The following ADAMTSL1 variants were observed in gnomAD, a reference collection of about 807,000 sequenced individuals.
ADAMTSL1 encodes the protein ADAMTS like 1, also known as ADAMTS-like protein 1.
A neutral mutation model predicts 201.8 loss-of-function variants in ADAMTSL1; 126 were observed. The ratio of observed to expected loss-of-function variants is 0.62; its 90% confidence interval spans 0.54 to 0.72. ADAMTSL1 has a LOEUF of 0.72. Ranked by LOEUF, ADAMTSL1 falls within the 30% of genes least tolerant of loss-of-function variation. The pLI is 0.00. For synonymous variants in ADAMTSL1, 1,121 were observed against 903.4 expected (o/e 1.24, Z -4.32); for missense variants, 2,679 against 2,277.8 (o/e 1.18, Z -3.59).
intron 1 of ADAMTSL1, among the ~76,000 whole-genome samples, chr9:17,916,066 C>T (rs750279826): frequency 1.1e-4 from 16 of 152,236 alleles, no homozygotes; most frequent in Middle Eastern, 3.4e-3. Context: ...ATGACAGGTG[C>T]GTGCCACCAT....
At chr9:18,583,254 A>G (rs975965499) in intron 4 of ADAMTSL1, among the ~76,000 whole-genome samples, 7 of 152,212 alleles carry the variant, frequency 4.6e-5, no homozygotes, top group Admixed American at 2.6e-4. Context: ...GGTGCCCTGC[A>G]TCCCAGCTGC....
intron 1 of ADAMTSL1, among the ~76,000 whole-genome samples, chr9:18,113,405 G>A (rs752554165): frequency 6.6e-5 from 10 of 152,118 alleles, no homozygotes; most frequent in Non-Finnish European, 1.3e-4. Flanking sequence ...TTCCATATAT[G>A]TTCAGGAAAG....
At chr9:17,922,343 C>T (rs544445362) in intron 1 of ADAMTSL1, among the ~76,000 whole-genome samples, 3 of 152,218 alleles carry the variant, frequency 2.0e-5, no homozygotes, top group African/African-American at 7.2e-5. Context: ...GTTTCACAAA[C>T]TTCAGTGTGC....
intron 2 of ADAMTSL1, among the ~76,000 whole-genome samples, chr9:18,313,452 A>T (rs1207724619): frequency 6.6e-6 from 1 of 152,178 alleles, no homozygotes; most frequent in Non-Finnish European, 1.5e-5. Flanking sequence ...CACACATTAG[A>T]ATCATAGAGA....
intron 2 of ADAMTSL1, among the ~76,000 whole-genome samples, chr9:18,207,759 A>G (rs1456747800): frequency 6.6e-6 from 1 of 151,986 alleles, no homozygotes; most frequent in Non-Finnish European, 1.5e-5. Flanking sequence ...TGGTTTATGT[A>G]TTTGTATAAG....
intron 2 of ADAMTSL1, among the ~76,000 whole-genome samples, chr9:18,383,195 G>A (rs1441501593): frequency 6.6e-6 from 1 of 152,022 alleles, no homozygotes; most frequent in Admixed American, 6.6e-5. Context: ...TATTAAATAA[G>A]GTAACTTAAA....
Position 18,695,993 on chromosome 9 carries a change from T to G in ADAMTSL1, c.1575-10754T>G, listed in dbSNP as rs368847184. On this transcript the variant is annotated intron_variant, in intron 13 of 28. Transcript: ENST00000380548. Reference sequence around the variant, plus strand: ...GAAGGGGAAGCAGGCACATCTTACATGGCCAGAGAAGGAGGAAGAGGGCAA... The same window carrying G: ...GAAGGGGAAGCAGGCACATCTTACAGGGCCAGAGAAGGAGGAAGAGGGCAA... Among the ~76,000 whole-genome samples the G allele has an allele frequency of 2.6e-5, 4 of 152,184 alleles. No homozygotes were observed. In the East Asian group the frequency reaches 5.8e-4, roughly 22 times the overall value.
At chr9:18,603,111 G>A (rs1162916478) in intron 4 of ADAMTSL1, among the ~76,000 whole-genome samples, 2 of 152,106 alleles carry the variant, frequency 1.3e-5, no homozygotes, top group Non-Finnish European at 2.9e-5. Context: ...CTATGGCTGG[G>A]TTTGTTGTTG....
At chr9:18,401,437 C>T (rs924679992) in intron 2 of ADAMTSL1, among the ~76,000 whole-genome samples, 4 of 152,188 alleles carry the variant, frequency 2.6e-5, no homozygotes, top group African/African-American at 9.7e-5. Flanking sequence ...TCTTTTCACT[C>T]CAGTAGTGGT....
rs549712701 is a variant in ADAMTSL1, at chr9:18,398,440, G to A, written c.208-106389G>A. Among the ~76,000 whole-genome samples, 335 of 152,216 alleles carry A rather than the reference G, an allele frequency of 2.2e-3. 1 individual carries two copies. Among genetic ancestry groups the A allele is most frequent in the Middle Eastern group, 0.017 (5 of 294 alleles). ...GAGTTTTTCACTCTGGATCATTAGT[G>A]CAGTTATTAATATTAATTAAATTTG... On this transcript the variant is annotated intron_variant, in intron 2 of 29. Coordinates refer to the ADAMTSL1 transcript ENST00000680146.
intron 1 of ADAMTSL1, among the ~76,000 whole-genome samples, chr9:18,493,690 G>C (rs889071690): frequency 6.6e-6 from 1 of 152,158 alleles, no homozygotes; most frequent in Non-Finnish European, 1.5e-5. Flanking sequence ...CCATGATTCA[G>C]ATTCATTTTT....
At chr9:18,729,156 G>A (rs1818068774) in intron 15 of ADAMTSL1, among the ~76,000 whole-genome samples, 1 of 152,142 alleles carries the variant, frequency 6.6e-6, no homozygotes, top group Admixed American at 6.5e-5. Context: ...CTAGCCACCT[G>A]GCAGGAGGAG....
chr9:18,888,081 C>A, intron 24 of ADAMTSL1, 38 bp downstream of exon 24: 1 of 1,580,962 alleles, frequency 6.3e-7, no homozygotes, highest in Non-Finnish European at 8.7e-7. Flanking sequence ...TGGACTTGAA[C>A]AAGAAAGCCC....
At chr9:18,425,026 A>C (rs571615484) in intron 2 of ADAMTSL1, among the ~76,000 whole-genome samples, 2 of 152,336 alleles carry the variant, frequency 1.3e-5, no homozygotes, top group South Asian at 4.1e-4. Flanking sequence ...TATTAAAGGA[A>C]GTCGTACAAT....
chr9:18,883,122 A>T (rs954976653), intron 23 of ADAMTSL1, among the ~76,000 whole-genome samples: 1 of 152,176 alleles, frequency 6.6e-6, no homozygotes, highest in Non-Finnish European at 1.5e-5. Context: ...CTCTCCCTAA[A>T]TGTATCAGTT....
intron 21 of ADAMTSL1, among the ~76,000 whole-genome samples, chr9:18,822,583 A>C (rs1420793942): frequency 6.6e-6 from 1 of 152,130 alleles, no homozygotes; most frequent in East Asian, 1.9e-4. Context: ...AGGGTAGGGA[A>C]CTGGGGGGAA....
At chr9:18,650,676 G>C (rs1318541823) in intron 7 of ADAMTSL1, among the ~76,000 whole-genome samples, 3 of 152,152 alleles carry the variant, frequency 2.0e-5, no homozygotes. Flanking sequence ...TAATGTTTTG[G>C]AATATCCTTC....
intron 1 of ADAMTSL1, among the ~76,000 whole-genome samples, chr9:17,928,417 A>C (rs1826642183): frequency 6.6e-6 from 1 of 152,200 alleles, no homozygotes; most frequent in African/African-American, 2.4e-5. Context: ...TTCACATTGG[A>C]AATCAGCCAA....
chr9:18,249,739 A>T (rs965448853), intron 2 of ADAMTSL1, among the ~76,000 whole-genome samples: 1 of 152,218 alleles, frequency 6.6e-6, no homozygotes, highest in Non-Finnish European at 1.5e-5. Flanking sequence ...AAGGCTCCTC[A>T]TGTTACTCTC....
Sources: gnomAD v4.1 joint callset for allele counts (sites outside exome capture counted in the v4.1 genomes callset) on GRCh38, gnomAD v4.1.1 for gene constraint, MANE v1.5 for transcripts, NCBI Gene and HGNC (gene_info 2026-07-23, HGNC 2026-07-21) for gene names.